CCAR2: variants seen among roughly 807,000 people sequenced by gnomAD.
The protein encoded by CCAR2 is cell cycle and apoptosis regulator 2.
A neutral mutation model predicts 108.1 loss-of-function variants in CCAR2; 21 were observed. The ratio of observed to expected loss-of-function variants is 0.19; its 90% confidence interval spans 0.14 to 0.28. The LOEUF is 0.28. Ranked by LOEUF, CCAR2 falls within the 10% of genes least tolerant of loss-of-function variation. The pLI is 1.00. For synonymous variants in CCAR2, 577 were observed against 472.8 expected, an observed-to-expected ratio of 1.22 and a Z score of -2.86; for missense variants, 1,126 against 1,177.0, an observed-to-expected ratio of 0.96 and a Z score of 0.63.
At chr8:22,606,222 A>AACT in intron 3 of CCAR2, 46 bp downstream of exon 3, 1 of 1,401,892 alleles carries the variant, frequency 7.1e-7, no homozygotes, top group Non-Finnish European at 1.0e-6. Flanking sequence ...TTGGGACTGA[A>AACT]TGCATGGAGG....
rs1433566019 is a variant in CCAR2 at position 22,614,467 on chromosome 8, A to C, written c.1005A>C (p.Pro335=). The C allele has an allele frequency of 1.9e-6, 3 of 1,614,190 alleles. No homozygotes were observed. The highest frequency in any genetic ancestry group is 2.5e-6 in the Non-Finnish European group (3 of 1,180,030). ...TCTTTGTGGATGACATGGCTGAGCCAAGGGAGACGCCAGAGCATCCTCTGA... is the reference window on the plus strand; with the variant it reads ...TCTTTGTGGATGACATGGCTGAGCCCAGGGAGACGCCAGAGCATCCTCTGA... ...CMLFVDDMAE[P]RETPEHPLKQ... is the part of the protein sequence containing the mutation. Residue 335 remains proline, a synonymous_variant, in exon 10 of 21, where the codon CCA becomes CCC. Transcript: ENST00000308511.
chr8:22,613,290 T>G (rs1459353957), intron 8 of CCAR2, among the ~76,000 whole-genome samples, 154 bp downstream of exon 8: 1 of 152,084 alleles, frequency 6.6e-6, no homozygotes, highest in Non-Finnish European at 1.5e-5. Context: ...TACTGTTTGG[T>G]GGTTTGCCTT....
Position 22,619,909 on chromosome 8 carries a change from C to CT in CCAR2, c.*231dup. 1.6e-5 allele frequency: 9 copies of CT among 576,850 alleles called. No homozygotes were observed. The South Asian group carries it at 1.9e-4, about 12-fold the overall frequency. 35.7% of individuals were successfully genotyped at this position (576,850 alleles called of 1,614,324 possible). A position where few individuals can be genotyped will look rare whatever the true frequency, so the allele number is the denominator to read the frequency against. On this transcript the variant is annotated 3_prime_UTR_variant, in exon 21 of 21. Coordinates refer to ENST00000308511, the MANE Select transcript of CCAR2 (RefSeq NM_001393997.1). ...TCCACTTAACAACTAAATACAACAT[C>CT]TTTTGCACCCCTAGAATGTCATTTT...
chr8:22,611,587 T>C (rs2117435942), intron 7 of CCAR2, among the ~76,000 whole-genome samples: 1 of 152,198 alleles, frequency 6.6e-6, no homozygotes, highest in South Asian at 2.1e-4. Flanking sequence ...TGCCACTCTT[T>C]TCTCCTGTGT....
At chr8:22,615,379 TGGA>T (rs763787500) in intron 11 of CCAR2, 43 bp from the exon 12 acceptor site, 1 of 1,592,056 alleles carries the variant, frequency 6.3e-7, no homozygotes, top group African/African-American at 1.3e-5. Context: ...GGTGTCTGCG[TGGA>T]GTTGTCACTA....
intron 6 of CCAR2, 40 bp downstream of exon 6, chr8:22,607,365 G>C (rs199585501): frequency 1.3e-5 from 21 of 1,601,812 alleles, no homozygotes; most frequent in South Asian, 2.2e-5. Flanking sequence ...TGGCATTATG[G>C]GGTAGTTTAG....
Position 22,605,719 on chromosome 8 carries a change from T to G in CCAR2, c.-38-17T>G. The G allele has an allele frequency of 3.4e-6, 5 of 1,475,620 alleles. No homozygotes were observed. The highest frequency in any genetic ancestry group is 4.7e-6 in the Non-Finnish European group (5 of 1,060,682). The allele number at this position is 1,475,620 out of a possible 1,614,324, so 91.4% of individuals were successfully genotyped here. A position where few individuals can be genotyped will look rare whatever the true frequency, so the allele number is the denominator to read the frequency against. On this transcript the variant is annotated splice_polypyrimidine_tract_variant and intron_variant, in intron 1 of 20. Transcript: ENST00000308511. ...TTTCCCTTATAAGCTGTTAATTTCT[T>G]TCTTTTTGGATTGAAGCCTTTTCCC...
chr8:22,605,475 T>C, intron 1 of CCAR2: 1 of 349,856 alleles, frequency 2.9e-6, no homozygotes, highest in South Asian at 4.3e-5. Context: ...TCTCTTGATC[T>C]CTCTGAGCAT....
intron 16 of CCAR2, among the ~76,000 whole-genome samples, chr8:22,617,999 GA>G (rs1283102756): frequency 6.6e-6 from 1 of 152,214 alleles, no homozygotes; most frequent in Non-Finnish European, 1.5e-5. Flanking sequence ...ATCCTCTCCT[GA>G]GAGAGGAGCA....
At chr8:22,604,966 T>C in intron 1 of CCAR2, 124 bp downstream of exon 1, 1 of 330,064 alleles carries the variant, frequency 3.0e-6, no homozygotes, top group Non-Finnish European at 5.9e-6. Flanking sequence ...AGCCCCTCTT[T>C]GGACTGCAAG....
Position 22,617,858 on chromosome 8 carries a change from A to G in CCAR2, c.2073+80A>G, listed in dbSNP as rs374078628. 2,540 of 1,442,772 alleles carry G rather than the reference A, an allele frequency of 1.8e-3. 72 individuals are homozygous for G. The South Asian group carries it at 0.027, about 15-fold the overall frequency. The allele number at this position is 1,442,772 out of a possible 1,614,324, so 89.4% of individuals were successfully genotyped here. ...CCTCTGGCCCACTCCTGGGAGAAGG[A>G]TGCTTACCAGTGACTTCCTTTCTTG... On this transcript the variant is annotated intron_variant, in intron 16 of 20. Coordinates refer to ENST00000308511, the MANE Select transcript of CCAR2 (RefSeq NM_001393997.1).
rs767089301 is a variant in CCAR2 at position 22,615,398 on chromosome 8, G to A, written c.1206-27G>A. On this transcript the variant is annotated intron_variant, in intron 11 of 20. Coordinates refer to ENST00000308511, the MANE Select transcript of CCAR2 (RefSeq NM_001393997.1). ...TCTGCGTGGAGTTGTCACTAAAGAA[G>A]TTAGTACCTCCTTTTGCCATGTGCA... 10 of 1,607,192 alleles carry A rather than the reference G, an allele frequency of 6.2e-6. No individual in the cohort carries two copies. The South Asian group carries it at 6.6e-5, about 11-fold the overall frequency.
chr8:22,611,386 A>ATGTGTGTGTGTGTGTGTGTG (rs200942064), intron 7 of CCAR2, among the ~76,000 whole-genome samples: 7 of 9,008 alleles, frequency 7.8e-4, no homozygotes, highest in African/African-American at 2.1e-3. Context: ...AAAAGTATAT[A>ATGTGTGTGTGTGTGTGTGTG]TATGTGTGTG....
At chr8:22,605,901 C>T (rs570271006) in intron 2 of CCAR2, 70 bp downstream of exon 2, 1 of 1,505,618 alleles carries the variant, frequency 6.6e-7, no homozygotes, top group African/African-American at 1.4e-5. Flanking sequence ...TGGGGTTTCC[C>T]TGGTGGAGAG....
chr8:22,621,286 C>CA, downstream of CCAR2: 1 of 1,189,254 alleles, frequency 8.4e-7, no homozygotes, highest in Middle Eastern at 2.6e-4. Context: ...CAGGAAGAGT[C>CA]ATTCATTGCA....
chr8:22,610,360 T>A (rs961455206), intron 7 of CCAR2, among the ~76,000 whole-genome samples: 1 of 152,260 alleles, frequency 6.6e-6, no homozygotes, highest in African/African-American at 2.4e-5. Context: ...ATTGAGCTGC[T>A]ACTGCTGTGC....
intron 7 of CCAR2, among the ~76,000 whole-genome samples, chr8:22,609,507 C>G (rs1801201067): frequency 1.3e-5 from 2 of 152,164 alleles, no homozygotes; most frequent in African/African-American, 4.8e-5. Flanking sequence ...GGGGTTTCCA[C>G]TGCTTGAAAC....
chr8:22,619,118 C>G, intron 19 of CCAR2, 32 bp from the exon 20 acceptor site: 2 of 1,601,246 alleles, frequency 1.2e-6, no homozygotes, highest in Non-Finnish European at 1.7e-6. Flanking sequence ...CTTGATGGAG[C>G]AGCCGTCCCC....
chr8:22,606,924 G>A lies in CCAR2; in HGVS notation c.257G>A (p.Arg86His), dbSNP rs754362113. The stretch of plus-strand genomic sequence containing the variant: ...TGTGCTGACAGTGTGGTGAAGGGCC[G>A]TCTGCCCCAGCTGGGTGAGAAGGTG... ...VFFQLSVVKG[R>H]LPQLGEKVLV... The change falls in exon 5 of 21, where the codon CGT becomes CAT. Residue 86 changes from arginine (R) to histidine (H), a missense_variant. Coordinates refer to ENST00000308511, the MANE Select transcript of CCAR2 (RefSeq NM_001393997.1). 4 of 1,614,082 alleles carry A rather than the reference G, an allele frequency of 2.5e-6. No individual in the cohort carries two copies. The Admixed American group carries it at 5.0e-5, about 20-fold the overall frequency.
Sources: gnomAD v4.1 joint callset for allele counts (sites outside exome capture counted in the v4.1 genomes callset) on GRCh38, gnomAD v4.1.1 for gene constraint, MANE v1.5 for transcripts, NCBI Gene and HGNC (gene_info 2026-07-23, HGNC 2026-07-21) for gene names.